The following TIAM1 variants were observed in gnomAD, a reference collection of about 807,000 sequenced individuals.
The protein encoded by TIAM1 is TIAM Rac1 associated GEF 1.
A neutral mutation model predicts 163.5 loss-of-function variants in TIAM1; 65 were observed. The observed-to-expected ratio is 0.40, with a 90% CI of 0.33 to 0.49. The LOEUF (loss-of-function observed/expected upper bound fraction) is 0.49. Among genes scored for constraint, TIAM1 ranks in the 20% least tolerant of loss-of-function variants. The pLI is 0.77. For synonymous variants in TIAM1, 833 were observed against 810.1 expected (o/e 1.03, Z -0.48); for missense variants, 1,789 against 2,044.7 (o/e 0.87, Z 2.41).
chr21:31,329,650 T>C (rs1159361935), intron 2 of TIAM1, among the ~76,000 whole-genome samples: 1 of 152,194 alleles, frequency 6.6e-6, no homozygotes, highest in East Asian at 1.9e-4. Flanking sequence ...ATGAAGTCAG[T>C]GCTTTCACAG....
intron 2 of TIAM1, among the ~76,000 whole-genome samples, chr21:31,286,905 G>A (rs958494715): frequency 2.6e-5 from 4 of 151,910 alleles, no homozygotes; most frequent in African/African-American, 7.3e-5. Flanking sequence ...TGGGCACTTG[G>A]TCCCAAATTC....
chr21:31,346,358 C>T (rs748681061), upstream of TIAM1, among the ~76,000 whole-genome samples: 8 of 152,166 alleles, frequency 5.3e-5, no homozygotes, highest in Non-Finnish European at 1.0e-4. Flanking sequence ...AGCATTCAAT[C>T]GCTGAGAACC....
intron 1 of TIAM1, among the ~76,000 whole-genome samples, chr21:31,482,429 G>GGCAC: frequency 6.6e-6 from 1 of 152,242 alleles, no homozygotes. Flanking sequence ...TGTGATTACA[G>GGCAC]GCACGCACCT....
intron 6 of TIAM1, among the ~76,000 whole-genome samples, chr21:31,238,006 C>T (rs1014762870): frequency 6.6e-6 from 1 of 152,228 alleles, no homozygotes; most frequent in Non-Finnish European, 1.5e-5. Context: ...AACATTCCTG[C>T]TCATTCCCAC....
intron 25 of TIAM1, 63 bp from the exon 26 acceptor site, chr21:31,127,215 C>T: frequency 6.6e-7 from 1 of 1,506,858 alleles, no homozygotes; most frequent in East Asian, 2.3e-5. Context: ...TACATGTTTG[C>T]AAAAGCATTT....
chr21:31,161,246 G>A (rs1037062394), intron 16 of TIAM1, among the ~76,000 whole-genome samples: 1 of 152,084 alleles, frequency 6.6e-6, no homozygotes, highest in Non-Finnish European at 1.5e-5. Flanking sequence ...CAGCTGCCAG[G>A]CGGCCTGGAA....
At chr21:31,295,399 G>A (rs1312127642) in intron 2 of TIAM1, among the ~76,000 whole-genome samples, 1 of 150,856 alleles carries the variant, frequency 6.6e-6, no homozygotes, top group Non-Finnish European at 1.5e-5. Context: ...GAACCCAGGA[G>A]GCGGAGCTTG....
intron 6 of TIAM1, among the ~76,000 whole-genome samples, chr21:31,238,269 AGAGTTACATG>A (rs973014669): frequency 2.0e-5 from 3 of 152,226 alleles, no homozygotes; most frequent in Admixed American, 6.5e-5. Context: ...CGGCTGCTCC[AGAGTTACATG>A]GATTTATAAT....
At chr21:31,425,885 A>G (rs1192641532) in intron 2 of TIAM1, among the ~76,000 whole-genome samples, 3 of 151,740 alleles carry the variant, frequency 2.0e-5, no homozygotes, top group African/African-American at 7.3e-5. Context: ...TTTAATAGAG[A>G]TAGGGTTTTG....
chr21:31,328,723 C>G (rs1025854486), intron 2 of TIAM1, among the ~76,000 whole-genome samples: 1 of 151,934 alleles, frequency 6.6e-6, no homozygotes, highest in Non-Finnish European at 1.5e-5. Flanking sequence ...CCCCCACCCC[C>G]CGACAGGCCC....
intron 2 of TIAM1, among the ~76,000 whole-genome samples, chr21:31,457,177 C>T (rs570539656): frequency 2.0e-5 from 3 of 152,196 alleles, no homozygotes; most frequent in South Asian, 2.1e-4. Flanking sequence ...GTTCAGGCTC[C>T]GGCAGGGAGC....
intron 1 of TIAM1, among the ~76,000 whole-genome samples, chr21:31,528,704 C>T (rs942845305): frequency 2.7e-5 from 4 of 148,366 alleles, no homozygotes; most frequent in Admixed American, 6.7e-5. Flanking sequence ...ACTCGGGAGG[C>T]TGAGGCAGGA....
intron 1 of TIAM1, among the ~76,000 whole-genome samples, chr21:31,551,868 TATAAAG>T (rs774267238): frequency 2.0e-5 from 3 of 152,112 alleles, no homozygotes; most frequent in East Asian, 1.9e-4. Flanking sequence ...TATTTAGAGA[TATAAAG>T]ATAATCACTA....
intron 1 of TIAM1, among the ~76,000 whole-genome samples, chr21:31,495,572 T>G (rs2046612087): frequency 6.6e-6 from 1 of 152,206 alleles, no homozygotes; most frequent in South Asian, 2.1e-4. Flanking sequence ...TAGAAACACC[T>G]GAATTTTGGA....
intron 13 of TIAM1, among the ~76,000 whole-genome samples, chr21:31,192,061 T>C (rs921482848): frequency 2.6e-5 from 4 of 152,212 alleles, no homozygotes; most frequent in African/African-American, 7.2e-5. Context: ...TGCTGCATAA[T>C]AAGCCGCTCA....
intron 16 of TIAM1, among the ~76,000 whole-genome samples, chr21:31,164,082 T>C (rs1278951016): frequency 1.3e-5 from 2 of 152,148 alleles, no homozygotes; most frequent in Non-Finnish European, 2.9e-5. Flanking sequence ...TGAAGTGGAA[T>C]AGAAGCATGA....
intron 2 of TIAM1, among the ~76,000 whole-genome samples, chr21:31,292,371 CTTTT>C (rs763364996): frequency 1.4e-5 from 2 of 138,812 alleles, no homozygotes; most frequent in African/African-American, 2.7e-5. Flanking sequence ...TTTCAATTTC[CTTTT>C]TTTTTTTTTT....
At chr21:31,417,115 T>C in intron 2 of TIAM1, among the ~76,000 whole-genome samples, 1 of 152,278 alleles carries the variant, frequency 6.6e-6, no homozygotes, top group East Asian at 1.9e-4. Flanking sequence ...CTCTGCCTCC[T>C]GGGTTCAAGC....
rs907637455 is a variant in TIAM1, at chr21:31,339,140, T to A, written c.-189+103A>T. 4.3e-5 allele frequency: 17 copies of A among 391,536 alleles called. No homozygotes were observed. The Middle Eastern group carries it at 2.5e-3, about 58-fold the overall frequency. 24.3% of individuals were successfully genotyped at this position (391,536 alleles called of 1,614,324 possible). ...AAAACAATCGTCACAAACAATGAAC[T>A]TTCTATTGTCCCAAAAAAGGTGGAT... On this transcript the variant is annotated intron_variant, in intron 2 of 27. Transcript: ENST00000541036.
Sources: gnomAD v4.1 joint callset for allele counts (sites outside exome capture counted in the v4.1 genomes callset) on GRCh38, gnomAD v4.1.1 for gene constraint, MANE v1.5 for transcripts, NCBI Gene and HGNC (gene_info 2026-07-23, HGNC 2026-07-21) for gene names.